The following PLEKHM3 variants were observed in gnomAD, a reference collection of about 807,000 sequenced individuals.
PLEKHM3 encodes pleckstrin homology domain-containing family M member 3.
In PLEKHM3, 45 loss-of-function variants were observed where a neutral mutation model predicts 81.8. The observed-to-expected ratio is 0.55, with a 90% CI of 0.43 to 0.71. PLEKHM3 has a LOEUF of 0.71. PLEKHM3 is among the 30% of genes least tolerant of loss of function. The probability of loss-of-function intolerance (pLI) is 0.00; values close to 1 mark genes in which losing one functional copy is unlikely to be tolerated. For synonymous variants in PLEKHM3, 352 were observed against 356.4 expected (o/e 0.99, Z 0.14); for missense variants, 788 against 924.3 (o/e 0.85, Z 1.91).
rs146442473 is a variant in PLEKHM3, at chr2:207,939,463, C to T, written c.1692+6904G>A. Among the ~76,000 whole-genome samples, 70 of 152,168 alleles carry T rather than the reference C, an allele frequency of 4.6e-4. No individual in the cohort carries two copies. The East Asian group carries it at 7.1e-3, about 15-fold the overall frequency. On this transcript the variant is annotated intron_variant, in intron 4 of 7. Transcript: ENST00000427836. Reference sequence around the variant, plus strand: ...TAATGAAGAGATTGGTGCTGGGAAACGGTTATGGATGAAGGAGCTAGGAAG... The same window carrying T: ...TAATGAAGAGATTGGTGCTGGGAAATGGTTATGGATGAAGGAGCTAGGAAG...
rs529791278 is a variant in PLEKHM3 at position 207,823,049 on chromosome 2, G to A, written c.*5270C>T. The A allele has an allele frequency of 2.6e-5, 4 of 152,372 alleles. No individual in the cohort carries two copies. Among genetic ancestry groups the A allele is most frequent in the Admixed American group, 2.6e-4 (4 of 15,304 alleles). 9.4% of individuals were successfully genotyped at this position (152,372 alleles called of 1,614,324 possible). On this transcript the variant is annotated 3_prime_UTR_variant, in exon 8 of 8. Transcript: ENST00000427836. ...TCCTAAGAGTTAGGAGTTGCTGTGA[G>A]TTGCTGTAGGTGCCTGAATCTTCTA...
intron 3 of PLEKHM3, among the ~76,000 whole-genome samples, chr2:207,974,056 G>A (rs754508940): frequency 4.6e-5 from 7 of 152,040 alleles, no homozygotes; most frequent in Admixed American, 6.5e-5. Context: ...CCCTGATTCC[G>A]TACTACTACC....
chr2:208,004,961 G>A (rs992637417), intron 1 of PLEKHM3, among the ~76,000 whole-genome samples: 2 of 152,054 alleles, frequency 1.3e-5, no homozygotes, highest in African/African-American at 4.8e-5. Context: ...GAGTAGTGGG[G>A]ATTAAAGGCG....
chr2:207,832,056 T>C (rs931422068), intron 7 of PLEKHM3, among the ~76,000 whole-genome samples: 6 of 152,160 alleles, frequency 3.9e-5, no homozygotes, highest in South Asian at 2.1e-4. Flanking sequence ...AGTGAAGAGA[T>C]TGGGTCTTAT....
intron 6 of PLEKHM3, among the ~76,000 whole-genome samples, chr2:207,863,680 C>T (rs925658104): frequency 1.3e-5 from 2 of 152,008 alleles, no homozygotes; most frequent in African/African-American, 2.4e-5. Flanking sequence ...TCCACCGACC[C>T]GGTCTTTATG....
chr2:207,954,372 A>G (rs1168326799), intron 3 of PLEKHM3, among the ~76,000 whole-genome samples: 1 of 152,132 alleles, frequency 6.6e-6, no homozygotes, highest in Non-Finnish European at 1.5e-5. Flanking sequence ...CCCTGTCAAC[A>G]CAACAATATG....
intron 1 of PLEKHM3, among the ~76,000 whole-genome samples, chr2:208,011,819 C>T (rs1428655487): frequency 2.4e-5 from 2 of 83,730 alleles, no homozygotes; most frequent in African/African-American, 5.3e-5. Flanking sequence ...TTTTTTGAGA[C>T]GGAGCTTCAC....
intron 3 of PLEKHM3, among the ~76,000 whole-genome samples, chr2:207,968,802 A>G (rs988030403): frequency 2.0e-5 from 3 of 152,224 alleles, no homozygotes; most frequent in Non-Finnish European, 4.4e-5. Flanking sequence ...CTGGGAGACA[A>G]CAATCCAAAA....
intron 1 of PLEKHM3, among the ~76,000 whole-genome samples, chr2:208,019,064 T>C (rs1468145453): frequency 6.7e-6 from 1 of 148,786 alleles, no homozygotes; most frequent in East Asian, 2.0e-4. Flanking sequence ...CTTTGGGAGG[T>C]CAAGATGGGA....
intron 6 of PLEKHM3, among the ~76,000 whole-genome samples, chr2:207,892,254 TC>T (rs1283738106): frequency 7.2e-5 from 11 of 152,342 alleles, no homozygotes; most frequent in Admixed American, 2.0e-4. Flanking sequence ...GCCAGTACTT[TC>T]CTGCGGTGCT....
In PLEKHM3 at chr2:207,988,288, G is replaced by A. The variant is rs76492385; in HGVS notation, c.611-10702C>T. On this transcript the variant is annotated intron_variant, in intron 2 of 7. Transcript: ENST00000427836. Reference sequence around the variant, plus strand: ...CCAGTGGTTAAGGCCACAGTTGCTGGAGCAACCAGCCTAGGTTCAACTCCC... The same window carrying A: ...CCAGTGGTTAAGGCCACAGTTGCTGAAGCAACCAGCCTAGGTTCAACTCCC... Among the ~76,000 whole-genome samples, 390 of 152,302 alleles carry A rather than the reference G, an allele frequency of 2.6e-3. 2 individuals are homozygous for A. The highest frequency in any genetic ancestry group is 9.1e-3 in the African/African-American group (377 of 41,552).
intron 4 of PLEKHM3, among the ~76,000 whole-genome samples, chr2:207,931,402 T>G (rs983987087): frequency 6.6e-6 from 1 of 152,250 alleles, no homozygotes; most frequent in Non-Finnish European, 1.5e-5. Flanking sequence ...GCCGTTATAC[T>G]GACTTATTAT....
chr2:207,940,980 T>C (rs1157255929), intron 4 of PLEKHM3, among the ~76,000 whole-genome samples: 1 of 152,178 alleles, frequency 6.6e-6, no homozygotes, highest in Non-Finnish European at 1.5e-5. Flanking sequence ...ATTTTTCTCC[T>C]TGAAGTAGGA....
In PLEKHM3 at chr2:207,821,449, G is replaced by A. The variant is rs2092216576; in HGVS notation, c.*6870C>T. The A allele has an allele frequency of 6.6e-6, 1 of 151,910 alleles. No homozygotes were observed. Among genetic ancestry groups the A allele is most frequent in the Non-Finnish European group, 1.5e-5 (1 of 68,004 alleles). 9.4% of individuals were successfully genotyped at this position (151,910 alleles called of 1,614,324 possible). On this transcript the variant is annotated 3_prime_UTR_variant, in exon 8 of 8. Coordinates refer to ENST00000427836, the MANE Select transcript of PLEKHM3 (RefSeq NM_001080475.3). ...CAGTTACTGATATTTTTAAAATAAT[G>A]TAAACAAAAATATAGATAAGTTATG...
At chr2:207,880,083 A>T (rs188244413) in intron 6 of PLEKHM3, among the ~76,000 whole-genome samples, 99 of 152,340 alleles carry the variant, frequency 6.5e-4, no homozygotes, top group African/African-American at 2.3e-3. Context: ...CTAAAAAATT[A>T]GCCTGCTCCC....
intron 7 of PLEKHM3, among the ~76,000 whole-genome samples, chr2:207,858,287 C>T (rs1374220153): frequency 6.6e-6 from 1 of 151,506 alleles, no homozygotes; most frequent in Non-Finnish European, 1.5e-5. Flanking sequence ...GATTCTCCTG[C>T]TTCAGCCTTC....
chr2:207,978,954 G>C (rs1691425618), intron 2 of PLEKHM3, among the ~76,000 whole-genome samples: 2 of 152,106 alleles, frequency 1.3e-5, no homozygotes, highest in Non-Finnish European at 1.5e-5. Flanking sequence ...GTTCCACTAA[G>C]GGCAAGGGTA....
chr2:207,901,176 T>A (rs1688414226), intron 6 of PLEKHM3: 1 of 688,438 alleles, frequency 1.5e-6, no homozygotes, highest in African/African-American at 1.8e-5. Flanking sequence ...CAGTCATCTT[T>A]CTGATCTGGC....
At chr2:207,828,633 TCAC>T in intron 7 of PLEKHM3, 137 bp from the exon 8 acceptor site, 2 of 773,408 alleles carry the variant, frequency 2.6e-6, no homozygotes, top group Non-Finnish European at 4.1e-6. Context: ...GGGAGATGAC[TCAC>T]TGAAATGAAC....
Sources: allele counts gnomAD v4.1 joint callset (sites outside exome capture counted in the v4.1 genomes callset), GRCh38; gene constraint gnomAD v4.1.1; transcripts MANE v1.5; gene names NCBI Gene and HGNC (gene_info 2026-07-23, HGNC 2026-07-21).